Variants in DACH1 observed in about 807,000 individuals in gnomAD.
The protein encoded by DACH1 is dachshund family transcription factor 1.
A neutral mutation model predicts 54.2 loss-of-function variants in DACH1; 12 were observed. The observed-to-expected ratio is 0.22, with a 90% CI of 0.14 to 0.36. The LOEUF is 0.36. Ranked by LOEUF, DACH1 falls within the 10% of genes least tolerant of loss-of-function variation. The pLI, the probability that DACH1 is intolerant of heterozygous loss-of-function variation, is 1.00. For synonymous variants in DACH1, 386 were observed against 366.2 expected (o/e 1.05, Z -0.62); for missense variants, 805 against 929.8 (o/e 0.87, Z 1.75).
intron 6 of DACH1, among the ~76,000 whole-genome samples, chr13:71,535,585 C>G (rs1363225899): frequency 6.6e-6 from 1 of 151,878 alleles, no homozygotes; most frequent in African/African-American, 2.4e-5. Flanking sequence ...TAAATAAAGT[C>G]AGGCGCATTT....
At chr13:71,862,824 A>C (rs1257514744) in intron 1 of DACH1, among the ~76,000 whole-genome samples, 1 of 152,058 alleles carries the variant, frequency 6.6e-6, no homozygotes, top group Non-Finnish European at 1.5e-5. Flanking sequence ...TGCTATTAAG[A>C]GATAGACATA....
chr13:71,444,938 C>G (rs1874316697), intron 10 of DACH1, among the ~76,000 whole-genome samples: 1 of 152,126 alleles, frequency 6.6e-6, no homozygotes, highest in African/African-American at 2.4e-5. Context: ...CACCCTCTCT[C>G]CCTACTTCCC....
chr13:71,651,808 T>C (rs2138625011), intron 2 of DACH1, among the ~76,000 whole-genome samples: 1 of 152,318 alleles, frequency 6.6e-6, no homozygotes, highest in African/African-American at 2.4e-5. Context: ...GAATAAATTT[T>C]AGGAAACTGC....
At chr13:71,859,023 A>T (rs1373207489) in intron 1 of DACH1, among the ~76,000 whole-genome samples, 1 of 151,632 alleles carries the variant, frequency 6.6e-6, no homozygotes, top group Non-Finnish European at 1.5e-5. Context: ...GTAGTTTACA[A>T]CACTTCAATA....
intron 1 of DACH1, among the ~76,000 whole-genome samples, chr13:71,748,841 T>G (rs1884723180): frequency 7.0e-6 from 1 of 143,338 alleles, no homozygotes; most frequent in Admixed American, 7.3e-5. Context: ...AAAAATATTT[T>G]TTCTCTTTCT....
chr13:71,550,708 G>A (rs1883759034), intron 6 of DACH1, among the ~76,000 whole-genome samples: 1 of 152,066 alleles, frequency 6.6e-6, no homozygotes, highest in Non-Finnish European at 1.5e-5. Flanking sequence ...CTTTGCATAT[G>A]AAATCTGCTA....
intron 1 of DACH1, among the ~76,000 whole-genome samples, chr13:71,819,598 T>C (rs925666578): frequency 1.3e-5 from 2 of 152,206 alleles, no homozygotes; most frequent in African/African-American, 4.8e-5. Flanking sequence ...TCTCTACCAA[T>C]GTTTCCTTCC....
At chr13:71,638,052 G>T (rs1264416351) in intron 2 of DACH1, among the ~76,000 whole-genome samples, 21 of 152,066 alleles carry the variant, frequency 1.4e-4, no homozygotes, top group Non-Finnish European at 3.1e-4. Context: ...AATAAAATGG[G>T]TTATATCCAA....
In DACH1 at chr13:71,659,670, C is replaced by G. The variant is rs184608196; in HGVS notation, c.964+22125G>C. On this transcript the variant is annotated intron_variant, in intron 2 of 10. Transcript: ENST00000613252. ...TTACATAACCACAGAGCTGACATTC[C>G]TTTTAGGCTCCTCTGTTGGGGATTT... is the stretch of plus-strand genomic sequence containing the variant. Among the ~76,000 whole-genome samples the G allele has an allele frequency of 1.0e-3, 159 of 152,234 alleles. 2 individuals carry two copies. Among genetic ancestry groups the G allele is most frequent in the African/African-American group, 2.5e-3 (104 of 41,566 alleles).
chr13:71,778,092 CAATAAATAAATAAATAAATAAATA>C (rs369933133), intron 1 of DACH1, among the ~76,000 whole-genome samples: 12 of 138,950 alleles, frequency 8.6e-5, no homozygotes, highest in African/African-American at 2.9e-4. Context: ...ACCCTGTCTA[CAATAAATAAATAAATAAATAAATA>C]AATAAATAAA....
chr13:71,551,472 C>T (rs981864698), intron 6 of DACH1, among the ~76,000 whole-genome samples: 4 of 152,108 alleles, frequency 2.6e-5, no homozygotes, highest in Non-Finnish European at 5.9e-5. Context: ...TTCTAAACAG[C>T]CTCTGGAAAC....
intron 1 of DACH1, among the ~76,000 whole-genome samples, chr13:71,716,614 T>C (rs1882979928): frequency 6.6e-6 from 1 of 152,148 alleles, no homozygotes; most frequent in Admixed American, 6.6e-5. Flanking sequence ...ACTTCTATTG[T>C]ATCATGGAAT....
chr13:71,475,297 C>T, intron 9 of DACH1, 88 bp from the exon 10 acceptor site: 1 of 1,087,506 alleles, frequency 9.2e-7, no homozygotes, highest in Non-Finnish European at 1.4e-6. Context: ...TACTTTGGTG[C>T]TGAATTAAAA....
At chr13:71,817,963 C>A (rs987452450) in intron 1 of DACH1, among the ~76,000 whole-genome samples, 1 of 151,578 alleles carries the variant, frequency 6.6e-6, no homozygotes, top group African/African-American at 2.4e-5. Context: ...TACAGCCACC[C>A]GCCATGATGC....
At chr13:71,857,680 A>G (rs1360513968) in intron 1 of DACH1, among the ~76,000 whole-genome samples, 1 of 151,790 alleles carries the variant, frequency 6.6e-6, no homozygotes. Flanking sequence ...TGTGACAGGT[A>G]TTATGAAAAA....
At chr13:71,748,886 CTTTCTTTCTTTCTCTTTCTT>C (rs879943434) in intron 1 of DACH1, among the ~76,000 whole-genome samples, 441 of 27,034 alleles carry the variant, frequency 0.016, 2 homozygotes, top group South Asian at 0.06. Context: ...TTCTTTCTTT[CTTTCTTTCTTTCTCTTTCTT>C]TCTTTCTTTC....
At chr13:71,836,958 C>A (rs1038494739) in intron 1 of DACH1, among the ~76,000 whole-genome samples, 2 of 151,846 alleles carry the variant, frequency 1.3e-5, no homozygotes, top group Non-Finnish European at 2.9e-5. Context: ...AGGTGCATAA[C>A]AAATATGCAT....
chr13:71,450,775 G>A (rs1874966671), intron 10 of DACH1, among the ~76,000 whole-genome samples: 1 of 152,114 alleles, frequency 6.6e-6, no homozygotes, highest in South Asian at 2.1e-4. Context: ...TTGCTGATAT[G>A]GAGAAAGTTT....
intron 1 of DACH1, among the ~76,000 whole-genome samples, chr13:71,731,432 C>T (rs1233140674): frequency 4.0e-5 from 6 of 151,852 alleles, no homozygotes; most frequent in African/African-American, 1.2e-4. Context: ...TACAGGCGCC[C>T]GCCATCACAC....
Sources: allele counts gnomAD v4.1 joint callset (sites outside exome capture counted in the v4.1 genomes callset), GRCh38; gene constraint gnomAD v4.1.1; transcripts MANE v1.5; gene names NCBI Gene and HGNC (gene_info 2026-07-23, HGNC 2026-07-21).